GRB10: variants seen among roughly 807,000 people sequenced by gnomAD.
GRB10 encodes growth factor receptor-bound protein 10.
Under a neutral mutation model 80.9 loss-of-function variants are expected in GRB10, and 20 were observed. That is an observed-to-expected ratio of 0.25 (90% CI 0.17 to 0.36). GRB10 has a LOEUF of 0.36. GRB10 is among the 10% of genes least tolerant of loss of function. The pLI is 1.00. For missense variants in GRB10, 548 were observed against 747.7 expected, an observed-to-expected ratio of 0.73 and a Z score of 3.12; for synonymous variants, 291 against 291.5, an observed-to-expected ratio of 1.00 and a Z score of 0.02.
chr7:50,610,829 C>A (rs1216674564), intron 13 of GRB10, among the ~76,000 whole-genome samples: 1 of 152,224 alleles, frequency 6.6e-6, no homozygotes, highest in African/African-American at 2.4e-5. Flanking sequence ...GCATTAGTCA[C>A]TCTGCCCACA....
At chr7:50,646,172 A>G (rs2057157836) in intron 7 of GRB10, among the ~76,000 whole-genome samples, 2 of 152,224 alleles carry the variant, frequency 1.3e-5, no homozygotes, top group African/African-American at 4.8e-5. Context: ...ATGTGCCATT[A>G]AATGGTATAT....
intron 5 of GRB10, among the ~76,000 whole-genome samples, chr7:50,692,804 G>A (rs1295298366): frequency 6.6e-6 from 1 of 152,040 alleles, no homozygotes; most frequent in South Asian, 2.1e-4. Context: ...AATAATGCTC[G>A]CAACAGGCAG....
chr7:50,631,732 C>T (rs924353925), intron 7 of GRB10, among the ~76,000 whole-genome samples: 2 of 152,184 alleles, frequency 1.3e-5, no homozygotes, highest in African/African-American at 4.8e-5. Flanking sequence ...ACCTGGCCTC[C>T]GAGGGGCCTT....
chr7:50,715,991 G>T lies in GRB10; in HGVS notation c.52-12083C>A, dbSNP rs141082345. Among the ~76,000 whole-genome samples, 746 of 152,298 alleles carry T rather than the reference G, an allele frequency of 4.9e-3. 10 individuals are homozygous for T. Among genetic ancestry groups the T allele is most frequent in the African/African-American group, 0.017 (688 of 41,564 alleles). On this transcript the variant is annotated intron_variant, in intron 4 of 18. Coordinates refer to ENST00000401949, the MANE Select transcript of GRB10 (RefSeq NM_001350814.2). Reference sequence around the variant, plus strand: ...TCCCTTCCAGGCAGAGCCTAGGATCGTCCTAAGGAGACAGAGTTCAACACT... The same window carrying T: ...TCCCTTCCAGGCAGAGCCTAGGATCTTCCTAAGGAGACAGAGTTCAACACT...
At chr7:50,710,738 C>T (rs1051272108) in intron 4 of GRB10, 15 of 894,684 alleles carry the variant, frequency 1.7e-5, no homozygotes, top group East Asian at 7.3e-5. Flanking sequence ...GCCTCACCTT[C>T]GGGGTATCTC....
chr7:50,739,910 G>A (rs1232622750), intron 3 of GRB10, among the ~76,000 whole-genome samples: 3 of 152,074 alleles, frequency 2.0e-5, no homozygotes, highest in African/African-American at 7.2e-5. Context: ...AACATTCCCA[G>A]CAAACACCAC....
chr7:50,632,881 T>G (rs1004316006), intron 7 of GRB10, among the ~76,000 whole-genome samples: 2 of 152,014 alleles, frequency 1.3e-5, no homozygotes, highest in African/African-American at 2.4e-5. Context: ...CCCGCCAAGG[T>G]TGGTGCTTGT....
In GRB10 at chr7:50,614,878, T is replaced by C. The variant is rs1250381507; in HGVS notation, c.987A>G (p.Glu329=). 1 of 1,606,890 alleles carries C rather than the reference T, an allele frequency of 6.2e-7. No individual in the cohort carries two copies. Among genetic ancestry groups the C allele is most frequent in the South Asian group, 1.1e-5 (1 of 90,948 alleles). ...LYCSTKGTSK[E]PRHLQLLADL... ...CGGCCAGCAGCTGCAGGTGTCTGGG[T>C]TCCTGTGACAACACTGGCCAGGTTA... Residue 329 remains glutamate, a splice_region_variant and synonymous_variant, in exon 12 of 19, where the codon GAA becomes GAG. Transcript: ENST00000401949.
chr7:50,594,252 C>G (rs1298430914), intron 18 of GRB10, among the ~76,000 whole-genome samples: 1 of 152,166 alleles, frequency 6.6e-6, no homozygotes, highest in African/African-American at 2.4e-5. Flanking sequence ...CCTCATTTTC[C>G]TCACGAGTAA....
chr7:50,647,856 G>A (rs1011279132), intron 7 of GRB10, among the ~76,000 whole-genome samples: 1 of 152,192 alleles, frequency 6.6e-6, no homozygotes, highest in African/African-American at 2.4e-5. Flanking sequence ...AAACTCAAAA[G>A]AGGAGTGAGG....
rs201817520 is a variant in GRB10, at chr7:50,749,138, T to G, written c.-47+6749A>C. ...TTTTGTTTTGTTTTTTTGTTTGTTTTTTTTTTTTGAGATGGAGTCTCACTC... is the reference window on the plus strand; with the variant it reads ...TTTTGTTTTGTTTTTTTGTTTGTTTGTTTTTTTTGAGATGGAGTCTCACTC... On this transcript the variant is annotated intron_variant, in intron 3 of 18. Transcript: ENST00000401949. 6.7e-3 allele frequency among the ~76,000 whole-genome samples: 578 copies of G among 86,072 alleles called. 21 individuals carry two copies. The highest frequency in any genetic ancestry group is 0.016 in the African/African-American group (518 of 31,906). 56.5% of individuals were successfully genotyped at this position (86,072 alleles called of 152,430 possible).
Position 50,689,942 on chromosome 7 carries a change from A to G in GRB10, c.139+13879T>C, listed in dbSNP as rs528592638. Among the ~76,000 whole-genome samples the G allele has an allele frequency of 2.0e-5, 3 of 151,978 alleles. No individual in the cohort carries two copies. In the East Asian group the frequency reaches 5.8e-4, roughly 29 times the overall value. On this transcript the variant is annotated intron_variant, in intron 5 of 18. Coordinates refer to ENST00000401949, the MANE Select transcript of GRB10 (RefSeq NM_001350814.2). ...GCCAAAATAAGGAAGCATTCTACTT[A>G]TCTGGAATGACTAGACTCTGGCTGA...
chr7:50,669,060 G>A (rs983796901), intron 7 of GRB10, among the ~76,000 whole-genome samples: 8 of 152,220 alleles, frequency 5.3e-5, no homozygotes, highest in African/African-American at 1.9e-4. Flanking sequence ...TGACATCCAG[G>A]TGCCCGGGTG....
At chr7:50,643,920 A>G (rs2056730480) in intron 7 of GRB10, among the ~76,000 whole-genome samples, 1 of 152,180 alleles carries the variant, frequency 6.6e-6, no homozygotes, top group Non-Finnish European at 1.5e-5. Context: ...TACATTTGAA[A>G]TTTTTTCAAA....
At chr7:50,648,839 G>A (rs755185205) in intron 7 of GRB10, among the ~76,000 whole-genome samples, 5 of 152,100 alleles carry the variant, frequency 3.3e-5, no homozygotes, top group African/African-American at 7.2e-5. Flanking sequence ...CAGCTCTCCC[G>A]CTCCACTAGG....
intron 2 of GRB10, among the ~76,000 whole-genome samples, chr7:50,774,170 G>A (rs972976285): frequency 6.6e-6 from 1 of 152,338 alleles, no homozygotes; most frequent in Middle Eastern, 3.4e-3. Context: ...CAGACAGAAA[G>A]TAGAGTTCCT....
intron 4 of GRB10, among the ~76,000 whole-genome samples, chr7:50,713,811 TTCCACCATCTCCACCATCACC>T (rs1376029158): frequency 7.4e-6 from 1 of 134,876 alleles, no homozygotes; most frequent in African/African-American, 2.9e-5. Flanking sequence ...CCACCATCAC[TTCCACCATCTCCACCATCACC>T]TCCACCTCGT....
At chr7:50,658,996 T>G (rs942097551) in intron 7 of GRB10, among the ~76,000 whole-genome samples, 3 of 152,136 alleles carry the variant, frequency 2.0e-5, no homozygotes, top group African/African-American at 7.2e-5. Context: ...TCTAAAAAAG[T>G]GAGGATGACA....
chr7:50,629,873 T>C (rs2053684560), intron 7 of GRB10, among the ~76,000 whole-genome samples: 1 of 152,174 alleles, frequency 6.6e-6, no homozygotes, highest in Non-Finnish European at 1.5e-5. Context: ...TGTTCAAGCA[T>C]CTCACACGAG....
Sources: allele counts gnomAD v4.1 joint callset (sites outside exome capture counted in the v4.1 genomes callset), GRCh38; gene constraint gnomAD v4.1.1; transcripts MANE v1.5; gene names NCBI Gene and HGNC (gene_info 2026-07-23, HGNC 2026-07-21).